Variants in FAM89A observed in about 807,000 individuals in gnomAD.
FAM89A encodes family with sequence similarity 89 member A, also known as protein FAM89A.
In FAM89A, 10 loss-of-function variants were observed where a neutral mutation model predicts 7.1. The ratio of observed to expected loss-of-function variants is 1.40; its 90% confidence interval spans 0.86 to 2.38. The LOEUF is 2.38. FAM89A is among the 30% of genes most tolerant of loss of function. The probability of loss-of-function intolerance (pLI) is 0.00; values close to 1 mark genes in which losing one functional copy is unlikely to be tolerated. For synonymous variants in FAM89A, 157 were observed against 129.3 expected (o/e 1.21, Z -1.45); for missense variants, 276 against 262.8 (o/e 1.05, Z -0.35).
At chr1:231,020,319 G>A (rs900950594) in intron 1 of FAM89A, among the ~76,000 whole-genome samples, 193 bp from the exon 2 acceptor site, 1 of 152,122 alleles carries the variant, frequency 6.6e-6, no homozygotes, top group Non-Finnish European at 1.5e-5. Context: ...TACCTCAGAC[G>A]TTACTCATTG....
chr1:231,020,534 G>A (rs113173113), intron 1 of FAM89A, among the ~76,000 whole-genome samples: 4 of 152,252 alleles, frequency 2.6e-5, no homozygotes, highest in East Asian at 1.9e-4. Context: ...CTGCTACTGC[G>A]TTAGGATCTG....
chr1:231,020,223 T>C (rs1407598938), intron 1 of FAM89A, 97 bp from the exon 2 acceptor site: 2 of 1,236,132 alleles, frequency 1.6e-6, no homozygotes, highest in Non-Finnish European at 2.2e-6. Context: ...TGCCAGCACA[T>C]TCCTTCCACA....
chr1:231,038,651 T>C (rs1680198718), intron 1 of FAM89A, among the ~76,000 whole-genome samples: 1 of 152,260 alleles, frequency 6.6e-6, no homozygotes, highest in African/African-American at 2.4e-5. Flanking sequence ...TAGAAAATCT[T>C]TTCAGTGAGA....
chr1:231,039,284 C>CA (rs1371013582), intron 1 of FAM89A, among the ~76,000 whole-genome samples: 1 of 152,238 alleles, frequency 6.6e-6, no homozygotes, highest in Non-Finnish European at 1.5e-5. Context: ...AGCCACCTCC[C>CA]ACCTTTCTCA....
intron 1 of FAM89A, among the ~76,000 whole-genome samples, chr1:231,035,546 T>G (rs1325114614): frequency 6.6e-6 from 1 of 152,172 alleles, no homozygotes; most frequent in Non-Finnish European, 1.5e-5. Flanking sequence ...TCTGGTTACC[T>G]GTAAGGTTGA....
intron 1 of FAM89A, among the ~76,000 whole-genome samples, chr1:231,022,759 G>A (rs1679902469): frequency 6.6e-6 from 1 of 152,130 alleles, no homozygotes; most frequent in African/African-American, 2.4e-5. Flanking sequence ...GCTCTGCAGG[G>A]CAATCCCGTT....
chr1:231,030,532 T>C (rs1680049392), intron 1 of FAM89A, among the ~76,000 whole-genome samples: 1 of 152,230 alleles, frequency 6.6e-6, no homozygotes, highest in South Asian at 2.1e-4. Context: ...CTGTCCTGGA[T>C]ATAGATGAAG....
chr1:231,028,753 C>T (rs1680016965), intron 1 of FAM89A: 1 of 152,278 alleles, frequency 6.6e-6, no homozygotes, highest in South Asian at 2.1e-4. Context: ...GAGCGCAGGT[C>T]CTTCCGCTCT....
At chr1:231,027,581 T>C (rs1284272133) in intron 1 of FAM89A, among the ~76,000 whole-genome samples, 1 of 152,160 alleles carries the variant, frequency 6.6e-6, no homozygotes, top group Non-Finnish European at 1.5e-5. Flanking sequence ...ATAAGGTAAG[T>C]CACTGCACAG....
chr1:231,026,727 T>C (rs1679981751), intron 1 of FAM89A: 1 of 152,220 alleles, frequency 6.6e-6, no homozygotes, highest in Admixed American at 6.5e-5. Context: ...CTTACTCCTG[T>C]TTTCCAGGAT....
chr1:231,031,775 A>G (rs924719256), intron 1 of FAM89A, among the ~76,000 whole-genome samples: 3 of 152,228 alleles, frequency 2.0e-5, no homozygotes, highest in Non-Finnish European at 4.4e-5. Context: ...TTACACTGTG[A>G]ACATCTTTCT....
intron 1 of FAM89A, among the ~76,000 whole-genome samples, chr1:231,020,767 A>G (rs4409638): frequency 0.38 from 57,567 of 151,988 alleles, 11,466 homozygotes; most frequent in Non-Finnish European, 0.45. Flanking sequence ...CTGGAAGATG[A>G]AGGGCTCTAC....
At chr1:231,027,927 C>T (rs570102661) in intron 1 of FAM89A, among the ~76,000 whole-genome samples, 215 of 152,362 alleles carry the variant, frequency 1.4e-3, no homozygotes, top group African/African-American at 4.9e-3. Flanking sequence ...TCTATATTAT[C>T]GGTGTGCACA....
chr1:231,039,252 A>G (rs11587142), intron 1 of FAM89A, among the ~76,000 whole-genome samples: 34,006 of 152,244 alleles, frequency 0.22, 5,000 homozygotes, highest in Non-Finnish European at 0.32. Flanking sequence ...ACTCACATGG[A>G]CAGCACCCAG....
intron 1 of FAM89A, chr1:231,021,628 T>C (rs1679879975): frequency 1.3e-6 from 2 of 1,539,746 alleles, no homozygotes; most frequent in South Asian, 1.1e-5. Context: ...CAAGAAAGCG[T>C]CGAGGTGGAG....
At chr1:231,039,690 A>G (rs554003125) in intron 1 of FAM89A, among the ~76,000 whole-genome samples, 1 of 152,108 alleles carries the variant, frequency 6.6e-6, no homozygotes, top group East Asian at 2.0e-4. Context: ...GGCGCCGGGC[A>G]TAAGAAAGCC....
intron 1 of FAM89A, among the ~76,000 whole-genome samples, chr1:231,030,057 A>C (rs1176464521): frequency 2.6e-5 from 4 of 152,238 alleles, no homozygotes; most frequent in Admixed American, 6.5e-5. Context: ...CAAGCTTGAC[A>C]GAAACACCCT....
Position 231,039,981 on chromosome 1 carries a change from T to G in FAM89A, c.231A>C (p.Ala77=). Reference sequence around the variant, plus strand: ...GGTTGGGAGGCTTGGCGGGCAGCGCTGCCGCCCGGGCCCCGCCGCCGCCCG... The same window carrying G: ...GGTTGGGAGGCTTGGCGGGCAGCGCGGCCGCCCGGGCCCCGCCGCCGCCCG... ...GGPGGGGARA[A]ALPAKPPNLD... Residue 77 remains alanine (A), a synonymous_variant, in exon 1 of 2, where the codon GCA becomes GCC. Transcript: ENST00000366654. The G allele has an allele frequency of 8.7e-6, 12 of 1,378,252 alleles. No homozygotes were observed. The highest frequency in any genetic ancestry group is 1.7e-5 in the South Asian group (1 of 59,528). 85.4% of individuals were successfully genotyped at this position (1,378,252 alleles called of 1,614,324 possible). A position where few individuals can be genotyped will look rare whatever the true frequency, so the allele number is the denominator to read the frequency against.
At chr1:231,038,640 TTAGAAA>T (rs1680198605) in intron 1 of FAM89A, among the ~76,000 whole-genome samples, 1 of 152,234 alleles carries the variant, frequency 6.6e-6, no homozygotes. Flanking sequence ...TGTAAGAAGC[TTAGAAA>T]ATCTTTTCAG....
Sources: allele counts gnomAD v4.1 joint callset (sites outside exome capture counted in the v4.1 genomes callset), GRCh38; gene constraint gnomAD v4.1.1; transcripts MANE v1.5; gene names NCBI Gene and HGNC (gene_info 2026-07-23, HGNC 2026-07-21).